The following DISC1 variants were observed in gnomAD, a reference collection of about 807,000 sequenced individuals.
The protein encoded by DISC1 is DISC1 scaffold protein.
A neutral mutation model predicts 84.5 loss-of-function variants in DISC1; 57 were observed. The ratio of observed to expected loss-of-function variants is 0.67; its 90% CI spans 0.55 to 0.84. The LOEUF is 0.84. DISC1 is among the 40% of genes least tolerant of loss of function. The pLI, the probability that DISC1 is intolerant of heterozygous loss-of-function variation, is 0.00. For missense variants in DISC1, 1,000 were observed against 1,057.8 expected (o/e 0.95, Z 0.76); for synonymous variants, 411 against 415.2 (o/e 0.99, Z 0.12).
chr1:231,967,273 A>C (rs887435282), intron 10 of DISC1, among the ~76,000 whole-genome samples: 8 of 152,302 alleles, frequency 5.3e-5, no homozygotes, highest in East Asian at 1.9e-4. Context: ...TAAACTGCCA[A>C]CTGCTCTCAA....
intron 5 of DISC1, among the ~76,000 whole-genome samples, chr1:231,768,744 A>G (rs1319461647): frequency 6.6e-6 from 1 of 152,234 alleles, no homozygotes; most frequent in Non-Finnish European, 1.5e-5. Flanking sequence ...ATAGACAATA[A>G]GTGATAAACA....
intron 9 of DISC1, among the ~76,000 whole-genome samples, chr1:231,907,288 A>G (rs1033627227): frequency 6.6e-5 from 10 of 151,518 alleles, no homozygotes; most frequent in African/African-American, 9.7e-5. Context: ...TTTACATTAG[A>G]TATATCTCCT....
In DISC1 at chr1:232,031,294, A is replaced by C. The variant is rs1271930946; in HGVS notation, c.2425+4742A>C. ...AGAAAGAAAAAGAAAGAAAAGAGGA[A>C]GGAAGGAAGGAGAGAGGGAAGGAGA... On this transcript the variant is annotated intron_variant, in intron 12 of 12. Transcript: ENST00000439617. This position sits in a 1 kb window ranked among gnomAD's most constrained non-coding sequence, Gnocchi z 4.6. 3.5e-5 allele frequency among the ~76,000 whole-genome samples: 5 copies of C among 141,902 alleles called. No homozygotes were observed. The highest frequency in any genetic ancestry group is 1.3e-4 in the African/African-American group (5 of 38,420). The allele number at this position is 141,902 out of a possible 152,430, so 93.1% of individuals were successfully genotyped here. A position where few individuals can be genotyped will look rare whatever the true frequency, so the allele number is the denominator to read the frequency against.
intron 3 of DISC1, among the ~76,000 whole-genome samples, chr1:231,737,811 C>T (rs754716424): frequency 2.6e-5 from 4 of 152,200 alleles, no homozygotes; most frequent in Non-Finnish European, 4.4e-5. Flanking sequence ...TACATACGCC[C>T]GTTATCAGAA....
intron 12 of DISC1, among the ~76,000 whole-genome samples, chr1:232,032,581 T>A (rs760502145): frequency 6.6e-6 from 1 of 152,194 alleles, no homozygotes. Context: ...GACGTTGTTA[T>A]AATGAATCTG....
At chr1:231,753,726 T>G (rs2074853925) in intron 4 of DISC1, among the ~76,000 whole-genome samples, 1 of 152,210 alleles carries the variant, frequency 6.6e-6, no homozygotes, top group Non-Finnish European at 1.5e-5. Flanking sequence ...TTTTCCAAAC[T>G]TTTATGCTTT....
At chr1:231,792,584 G>A (rs745325240) in intron 6 of DISC1, among the ~76,000 whole-genome samples, 3 of 152,134 alleles carry the variant, frequency 2.0e-5, no homozygotes, top group African/African-American at 4.8e-5. Flanking sequence ...GGACTCTAAC[G>A]AGCCCAGCAA....
rs16855147 is a variant in DISC1 at position 231,827,597 on chromosome 1, G to T, written c.1981+9080G>T. Among the ~76,000 whole-genome samples the T allele has an allele frequency of 5.7e-3, 871 of 152,312 alleles. 11 individuals carry two copies. Among genetic ancestry groups the T allele is most frequent in the African/African-American group, 0.019 (784 of 41,558 alleles). ...GTATTTACTGGAGAGATCATCACTT[G>T]TTGCTAATTTGATTTTTCAGATTCT... On this transcript the variant is annotated intron_variant, in intron 9 of 12. Coordinates refer to ENST00000439617, the MANE Select transcript of DISC1 (RefSeq NM_018662.3).
chr1:231,879,934 T>G (rs2086174401), intron 9 of DISC1, among the ~76,000 whole-genome samples: 1 of 152,202 alleles, frequency 6.6e-6, no homozygotes. Flanking sequence ...CCAATGGACA[T>G]GCAAACTGGA....
chr1:231,678,049 C>T (rs993190212), intron 1 of DISC1, among the ~76,000 whole-genome samples: 1 of 152,042 alleles, frequency 6.6e-6, no homozygotes, highest in African/African-American at 2.4e-5. Flanking sequence ...AACTGGTAAA[C>T]CTCATACATA....
At chr1:231,949,816 T>A (rs529053019) in intron 9 of DISC1, among the ~76,000 whole-genome samples, 1 of 152,350 alleles carries the variant, frequency 6.6e-6, no homozygotes, top group South Asian at 2.1e-4. Flanking sequence ...TCTTTCCTTT[T>A]GCGAAATTCC....
chr1:231,969,593 T>C (rs973448043), intron 10 of DISC1, among the ~76,000 whole-genome samples: 4 of 21,980 alleles, frequency 1.8e-4, no homozygotes, highest in Admixed American at 1.6e-3. Context: ...TTTCTTTCTT[T>C]CTTTCTTTTT....
At chr1:231,681,357 T>C (rs1326319758) in intron 1 of DISC1, among the ~76,000 whole-genome samples, 1 of 151,654 alleles carries the variant, frequency 6.6e-6, no homozygotes, top group African/African-American at 2.4e-5. Flanking sequence ...GTGGAGAACA[T>C]AGATAGAGTG....
chr1:231,753,324 A>G (rs2074805186), intron 4 of DISC1, among the ~76,000 whole-genome samples: 1 of 152,124 alleles, frequency 6.6e-6, no homozygotes, highest in African/African-American at 2.4e-5. Flanking sequence ...CAACTCTTGC[A>G]CTCTGTGCAC....
chr1:231,969,362 C>T (rs555143837), intron 10 of DISC1, among the ~76,000 whole-genome samples: 1 of 152,096 alleles, frequency 6.6e-6, no homozygotes, highest in East Asian at 1.9e-4. Context: ...CTAGAGCACA[C>T]TGCTGCTCTC....
intron 6 of DISC1, among the ~76,000 whole-genome samples, chr1:231,783,372 G>A (rs550965553): frequency 1.8e-4 from 27 of 152,280 alleles, no homozygotes; most frequent in Non-Finnish European, 3.7e-4. Context: ...GGGGTAGAAA[G>A]GAGAATGATT....
At chr1:231,874,912 G>C (rs1379928296) in intron 9 of DISC1, among the ~76,000 whole-genome samples, 1 of 131,294 alleles carries the variant, frequency 7.6e-6, no homozygotes, top group Non-Finnish European at 1.6e-5. Flanking sequence ...GTGAGACTCC[G>C]TCTCAAAAAA....
At chr1:232,028,272 C>T (rs12066558) in intron 12 of DISC1, among the ~76,000 whole-genome samples, 2,966 of 152,110 alleles carry the variant, frequency 0.019, 93 homozygotes, top group African/African-American at 0.067. Context: ...GTTCCCGTTC[C>T]CCAGCTCAGC....
intron 3 of DISC1, among the ~76,000 whole-genome samples, chr1:231,728,677 C>A (rs2071080632): frequency 2.0e-5 from 3 of 152,294 alleles, no homozygotes; most frequent in Middle Eastern, 3.4e-3. Flanking sequence ...CATCTGCATT[C>A]TGTTACTATT....
Sources: allele counts gnomAD v4.1 joint callset (sites outside exome capture counted in the v4.1 genomes callset), GRCh38; gene constraint gnomAD v4.1.1; non-coding constraint Gnocchi (gnomAD v3.1); transcripts MANE v1.5; gene names NCBI Gene and HGNC (gene_info 2026-07-23, HGNC 2026-07-21).